The following SPTLC2 variants were observed in gnomAD, a reference collection of about 807,000 sequenced individuals.
SPTLC2 encodes serine palmitoyltransferase long chain base subunit 2.
Under a neutral mutation model 62.0 loss-of-function variants are expected in SPTLC2, and 21 were observed. The observed-to-expected ratio is 0.34, with a 90% CI of 0.24 to 0.49. The LOEUF is 0.49. SPTLC2 is among the 20% of genes least tolerant of loss of function. SPTLC2 has a pLI of 0.99. For synonymous variants in SPTLC2, 261 were observed against 261.8 expected (o/e 1.00, Z 0.03); for missense variants, 511 against 713.0 (o/e 0.72, Z 3.23).
Position 77,521,459 on chromosome 14 carries a change from G to A in SPTLC2, c.1426C>T (p.Pro476Ser). The A allele has an allele frequency of 6.2e-7, 1 of 1,614,174 alleles. No homozygotes were observed. Among genetic ancestry groups the A allele is most frequent in the Non-Finnish European group, 8.5e-7 (1 of 1,180,026 alleles). The change falls in exon 10 of 12, where the codon CCT becomes TCT. Residue 476 changes from proline (P) to serine (S), a missense_variant. Transcript: ENST00000216484. Reference sequence around the variant, plus strand: ...AACAAAACGTACCCAATTTTGGCAGGCATGTAGAGCATCAAAGGCACTACT... The same window carrying A: ...AACAAAACGTACCCAATTTTGGCAGACATGTAGAGCATCAAAGGCACTACT... Reference protein sequence around the residue: ...SPVVPLMLYMPAKIGAFGREM... With the variant: ...SPVVPLMLYMSAKIGAFGREM...
chr14:77,515,213 C>T (rs1336139814), intron 11 of SPTLC2, among the ~76,000 whole-genome samples: 1 of 152,170 alleles, frequency 6.6e-6, no homozygotes, highest in Non-Finnish European at 1.5e-5. Flanking sequence ...TGTGAGTCCT[C>T]CCACTTTGCT....
chr14:77,536,069 T>G, intron 9 of SPTLC2: 7 of 406,532 alleles, frequency 1.7e-5, no homozygotes, highest in South Asian at 1.3e-4. Context: ...GGCTAAAAAC[T>G]GTGGAGACAC....
chr14:77,535,852 G>A (rs1279220639), intron 9 of SPTLC2: 1 of 401,184 alleles, frequency 2.5e-6, no homozygotes, highest in East Asian at 8.0e-5. Flanking sequence ...TCTAAGTCAA[G>A]TAAATAACAA....
At chr14:77,610,805 G>A (rs2079931325) in intron 1 of SPTLC2, among the ~76,000 whole-genome samples, 1 of 151,894 alleles carries the variant, frequency 6.6e-6, no homozygotes, top group Non-Finnish European at 1.5e-5. Context: ...CAGCACTTCA[G>A]GAGGCCAAGG....
intron 9 of SPTLC2, among the ~76,000 whole-genome samples, chr14:77,528,281 G>C (rs1482575963): frequency 6.6e-6 from 1 of 152,014 alleles, no homozygotes; most frequent in Non-Finnish European, 1.5e-5. Context: ...GCCCAGGCAG[G>C]AGTGCAATGG....
chr14:77,563,345 A>T (rs147259609), intron 5 of SPTLC2, among the ~76,000 whole-genome samples: 1 of 152,202 alleles, frequency 6.6e-6, no homozygotes, highest in Non-Finnish European at 1.5e-5. Context: ...ATCCAAATCC[A>T]TCCATGCTCA....
At chr14:77,564,993 A>C (rs2079636637) in intron 5 of SPTLC2, among the ~76,000 whole-genome samples, 1 of 151,994 alleles carries the variant, frequency 6.6e-6, no homozygotes, top group Non-Finnish European at 1.5e-5. Context: ...TAATCCCAGC[A>C]CTTTGGGAGG....
At position 77,592,527 on chromosome 14, in the gene SPTLC2, A is replaced by G. The variant is rs949220110; in HGVS notation, c.327+4659T>C. On this transcript the variant is annotated intron_variant, in intron 2 of 11. Transcript: ENST00000216484. ...TTCTTTCTTTCTTTTGTATCTTGAA[A>G]ATAAGCCTATTGGGATATAAACATA... 5.3e-5 allele frequency among the ~76,000 whole-genome samples: 8 copies of G among 152,182 alleles called. 1 individual carries two copies. The highest frequency in any genetic ancestry group is 2.6e-4 in the Admixed American group (4 of 15,270).
intron 4 of SPTLC2, among the ~76,000 whole-genome samples, chr14:77,575,577 G>C (rs1222277345): frequency 6.6e-6 from 1 of 152,162 alleles, no homozygotes; most frequent in African/African-American, 2.4e-5. Flanking sequence ...TCTGTCATGG[G>C]CTAGGGTGCA....
intron 2 of SPTLC2, among the ~76,000 whole-genome samples, chr14:77,590,868 T>G (rs1353664847): frequency 2.6e-5 from 4 of 152,136 alleles, no homozygotes; most frequent in African/African-American, 9.7e-5. Flanking sequence ...GTGAGGGAAC[T>G]AGCCATGGGA....
intron 1 of SPTLC2, among the ~76,000 whole-genome samples, chr14:77,610,181 C>T (rs561470760): frequency 6.6e-6 from 1 of 152,172 alleles, no homozygotes; most frequent in South Asian, 2.1e-4. Flanking sequence ...CTCACTGTCG[C>T]CCAAGCTGAA....
Position 77,511,404 on chromosome 14 carries a change from A to C in SPTLC2, c.*880T>G, listed in dbSNP as rs2139988469. 1 of 152,394 alleles carries C rather than the reference A, an allele frequency of 6.6e-6. No homozygotes were observed. The highest frequency in any genetic ancestry group is 2.4e-5 in the African/African-American group (1 of 41,572). 9.4% of individuals were successfully genotyped at this position (152,394 alleles called of 1,614,324 possible). On this transcript the variant is annotated 3_prime_UTR_variant, in exon 12 of 12. Transcript: ENST00000216484. Reference sequence around the variant, plus strand: ...AGTAATCAATTCTTTGCACACTGCCACTGCCCCTGCCCCTCACCCACCAGG... The same window carrying C: ...AGTAATCAATTCTTTGCACACTGCCCCTGCCCCTGCCCCTCACCCACCAGG...
At chr14:77,512,930 G>C (rs1228027699) in intron 11 of SPTLC2, among the ~76,000 whole-genome samples, 2 of 150,554 alleles carry the variant, frequency 1.3e-5, no homozygotes, top group African/African-American at 2.4e-5. Context: ...TGGCCAGGCT[G>C]GTCTTGAACT....
chr14:77,616,427 C>G, intron 1 of SPTLC2, 21 bp downstream of exon 1: 2 of 1,409,116 alleles, frequency 1.4e-6, no homozygotes, highest in Non-Finnish European at 1.8e-6. Flanking sequence ...ACCCCGGCCC[C>G]GCCGCGCGGG....
intron 1 of SPTLC2, among the ~76,000 whole-genome samples, chr14:77,602,564 T>TTTC (rs537766421): frequency 6.9e-6 from 1 of 143,958 alleles, no homozygotes; most frequent in Non-Finnish European, 1.5e-5. Flanking sequence ...TTTTTTTTTT[T>TTTC]CTATTGACAG....
At chr14:77,550,529 C>G (rs1216673924) in intron 9 of SPTLC2, among the ~76,000 whole-genome samples, 1 of 152,032 alleles carries the variant, frequency 6.6e-6, no homozygotes, top group Non-Finnish European at 1.5e-5. Context: ...GAGCCAAGAT[C>G]ATGCCATTGC....
At chr14:77,552,358 TC>T in intron 8 of SPTLC2, 136 bp from the exon 9 acceptor site, 2 of 1,062,170 alleles carry the variant, frequency 1.9e-6, no homozygotes, top group Non-Finnish European at 2.8e-6. Flanking sequence ...AGATACAAGG[TC>T]AACCAACATG....
At chr14:77,584,277 G>A (rs1295335100) in intron 2 of SPTLC2, among the ~76,000 whole-genome samples, 1 of 152,108 alleles carries the variant, frequency 6.6e-6, no homozygotes, top group Non-Finnish European at 1.5e-5. Context: ...ATCACTTTTT[G>A]AAGTCCACTT....
intron 5 of SPTLC2, among the ~76,000 whole-genome samples, chr14:77,568,231 T>C (rs2079657229): frequency 6.6e-6 from 1 of 152,262 alleles, no homozygotes; most frequent in Non-Finnish European, 1.5e-5. Flanking sequence ...TTTAGAAATA[T>C]ATTGTTTAAT....
Sources: allele counts gnomAD v4.1 joint callset (sites outside exome capture counted in the v4.1 genomes callset), GRCh38; gene constraint gnomAD v4.1.1; transcripts MANE v1.5; gene names NCBI Gene and HGNC (gene_info 2026-07-23, HGNC 2026-07-21).